MTUS2: variants seen among roughly 807,000 people sequenced by gnomAD.
The protein encoded by MTUS2 is microtubule associated scaffold protein 2, also known as microtubule-associated tumor suppressor candidate 2.
Under a neutral mutation model 114.1 loss-of-function variants are expected in MTUS2, and 40 were observed. That is an observed-to-expected ratio of 0.35 (90% confidence interval 0.27 to 0.46). MTUS2 has a LOEUF of 0.46. Ranked by LOEUF, MTUS2 falls within the 20% of genes least tolerant of loss-of-function variation. The probability of loss-of-function intolerance (pLI) is 1.00; values close to 1 mark genes in which losing one functional copy is unlikely to be tolerated. For missense variants in MTUS2, 1,679 were observed against 1,705.4 expected, an observed-to-expected ratio of 0.98 and a Z score of 0.27; for synonymous variants, 688 against 672.0, an observed-to-expected ratio of 1.02 and a Z score of -0.37.
intron 5 of MTUS2, among the ~76,000 whole-genome samples, chr13:29,145,201 G>A (rs7993740): frequency 0.9 from 137,741 of 152,232 alleles, 62,343 homozygotes; most frequent in East Asian, 0.96. Context: ...ATTTACATAT[G>A]TCTTAAATAT....
chr13:29,435,236 C>T (rs551544757), intron 8 of MTUS2, among the ~76,000 whole-genome samples: 6 of 152,164 alleles, frequency 3.9e-5, no homozygotes, highest in South Asian at 2.1e-4. Flanking sequence ...GGAGTGGCCT[C>T]GTTAGGCTTT....
At chr13:28,831,245 G>A (rs1341330) in intron 1 of MTUS2, among the ~76,000 whole-genome samples, 73,194 of 151,950 alleles carry the variant, frequency 0.48, 18,255 homozygotes, top group Non-Finnish European at 0.53. Context: ...GACATCAGAC[G>A]TAACACAACA....
chr13:29,178,283 A>G (rs889037564), intron 5 of MTUS2, among the ~76,000 whole-genome samples: 2 of 152,094 alleles, frequency 1.3e-5, no homozygotes, highest in Non-Finnish European at 2.9e-5. Flanking sequence ...TACTTTGTCA[A>G]TTTTTGTTTG....
At chr13:29,145,620 CAT>C (rs1371714907) in intron 5 of MTUS2, among the ~76,000 whole-genome samples, 4 of 152,164 alleles carry the variant, frequency 2.6e-5, no homozygotes, top group African/African-American at 4.8e-5. Flanking sequence ...CTGTTGAAGA[CAT>C]GTGTGAGGTA....
intron 4 of MTUS2, among the ~76,000 whole-genome samples, chr13:29,044,671 C>T (rs75703592): frequency 0.015 from 2,241 of 152,210 alleles, 18 homozygotes; most frequent in Non-Finnish European, 0.024. Flanking sequence ...CTTGCTATGT[C>T]TTCACTACTT....
intron 8 of MTUS2, among the ~76,000 whole-genome samples, chr13:29,432,247 A>T (rs1160335174): frequency 6.6e-6 from 1 of 152,112 alleles, no homozygotes; most frequent in Non-Finnish European, 1.5e-5. Flanking sequence ...ACTCGTCCAC[A>T]GGTATTTGAA....
Position 28,853,262 on chromosome 13 carries a change from G to A in MTUS2, c.-243+13412G>A, listed in dbSNP as rs182521847. Among the ~76,000 whole-genome samples the A allele has an allele frequency of 4.4e-4, 67 of 152,324 alleles. 1 individual carries two copies. The South Asian group carries it at 0.014, about 31-fold the overall frequency. The stretch of plus-strand genomic sequence containing the variant: ...TGTTTTCTCCACTGATGATATATTT[G>A]TTAACTTTATGAAAATGTATTGATC... On this transcript the variant is annotated intron_variant, in intron 2 of 15. Transcript: ENST00000612955.
intron 13 of MTUS2, 25 bp downstream of exon 13, chr13:29,497,361 A>G: frequency 1.3e-6 from 2 of 1,594,496 alleles, no homozygotes; most frequent in Non-Finnish European, 1.7e-6. Flanking sequence ...CCAGGCTTCC[A>G]GCCCCGCAGG....
chr13:29,028,180 G>A (rs1007169569), intron 3 of MTUS2, among the ~76,000 whole-genome samples: 2 of 152,022 alleles, frequency 1.3e-5, no homozygotes, highest in African/African-American at 2.4e-5. Context: ...GTGAAACCCC[G>A]TCTCTACTAA....
chr13:29,252,709 G>A (rs1344500698), intron 5 of MTUS2, among the ~76,000 whole-genome samples: 1 of 152,016 alleles, frequency 6.6e-6, no homozygotes. Flanking sequence ...TCTCATGGTA[G>A]TGAATAAGTC....
intron 2 of MTUS2, among the ~76,000 whole-genome samples, chr13:28,987,786 T>C (rs926852912): frequency 1.3e-5 from 2 of 152,228 alleles, no homozygotes; most frequent in African/African-American, 4.8e-5. Flanking sequence ...ACACATCCCG[T>C]TGCAGAACAA....
intron 6 of MTUS2, among the ~76,000 whole-genome samples, chr13:29,292,287 C>T (rs1312485633): frequency 6.6e-6 from 1 of 152,190 alleles, no homozygotes; most frequent in Non-Finnish European, 1.5e-5. Flanking sequence ...TTACCGTCAC[C>T]CCCTGTTGTC....
In MTUS2 at chr13:28,945,196, C is replaced by T. The variant is rs1005358541; in HGVS notation, c.-242-79261C>T. ...GTATTCCATTATATATATATATATA[C>T]ACCACATTTTCTTTATCCAGTCGTC... On this transcript the variant is annotated intron_variant, in intron 2 of 15. Transcript: ENST00000612955. 3.1e-4 allele frequency among the ~76,000 whole-genome samples: 40 copies of T among 129,890 alleles called. 2 individuals carry two copies. The highest frequency in any genetic ancestry group is 1.1e-3 in the African/African-American group (39 of 33,952). 85.2% of individuals were successfully genotyped at this position (129,890 alleles called of 152,430 possible).
chr13:29,173,470 A>G (rs957808382), intron 5 of MTUS2, among the ~76,000 whole-genome samples: 1 of 152,208 alleles, frequency 6.6e-6, no homozygotes, highest in Non-Finnish European at 1.5e-5. Context: ...TCACATTTCA[A>G]TTTATGCATT....
chr13:28,986,242 A>G (rs1884580307), intron 2 of MTUS2, among the ~76,000 whole-genome samples: 1 of 152,034 alleles, frequency 6.6e-6, no homozygotes, highest in Non-Finnish European at 1.5e-5. Context: ...GTTGGGGCCT[A>G]TGGAGATCCA....
At chr13:29,209,583 C>T (rs1895339914) in intron 5 of MTUS2, among the ~76,000 whole-genome samples, 1 of 151,578 alleles carries the variant, frequency 6.6e-6, no homozygotes, top group Admixed American at 6.6e-5. Flanking sequence ...GGATTTGTCT[C>T]AAGATTTACA....
intron 5 of MTUS2, among the ~76,000 whole-genome samples, chr13:29,140,733 G>A (rs1455434258): frequency 1.3e-5 from 2 of 152,178 alleles, no homozygotes; most frequent in Non-Finnish European, 2.9e-5. Flanking sequence ...CCTCTGTTGA[G>A]TTTGGTGACT....
chr13:29,021,576 G>C (rs1219233272), intron 2 of MTUS2, among the ~76,000 whole-genome samples: 1 of 152,102 alleles, frequency 6.6e-6, no homozygotes, highest in Non-Finnish European at 1.5e-5. Flanking sequence ...GAGGGCTCTT[G>C]GCTGCATATT....
At chr13:29,327,213 A>G (rs1330220296) in intron 7 of MTUS2, among the ~76,000 whole-genome samples, 3 of 152,198 alleles carry the variant, frequency 2.0e-5, no homozygotes, top group African/African-American at 7.2e-5. Context: ...GTGGCATTAT[A>G]GTTGTAAAAC....
Sources: gnomAD v4.1 joint callset for allele counts (sites outside exome capture counted in the v4.1 genomes callset) on GRCh38, gnomAD v4.1.1 for gene constraint, MANE v1.5 for transcripts, NCBI Gene and HGNC (gene_info 2026-07-23, HGNC 2026-07-21) for gene names.